Variants in LRP1B observed in about 807,000 individuals in gnomAD.
LRP1B encodes the protein low-density lipoprotein receptor-related protein 1B.
In LRP1B, 217 loss-of-function variants were observed where a neutral mutation model predicts 556.6. That is an observed-to-expected ratio of 0.39 (90% confidence interval 0.35 to 0.44). The LOEUF (loss-of-function observed/expected upper bound fraction) is 0.44, where lower values mean the gene tolerates loss of function less well. Among genes scored for constraint, LRP1B ranks in the 20% least tolerant of loss-of-function variants. The probability of loss-of-function intolerance (pLI) is 1.00; values close to 1 mark genes in which losing one functional copy is unlikely to be tolerated. For missense variants in LRP1B, 5,053 were observed against 5,620.8 expected (o/e 0.90, Z 3.23); for synonymous variants, 2,047 against 1,865.8 (o/e 1.10, Z -2.50).
intron 20 of LRP1B, among the ~76,000 whole-genome samples, chr2:140,946,027 A>C (rs2105293153): frequency 6.6e-6 from 1 of 152,318 alleles, no homozygotes; most frequent in Non-Finnish European, 1.5e-5. Flanking sequence ...AAACAAGTTC[A>C]TCAGAAAGTA....
At chr2:140,819,935 C>T (rs559385996) in intron 31 of LRP1B, among the ~76,000 whole-genome samples, 2 of 152,240 alleles carry the variant, frequency 1.3e-5, no homozygotes, top group Non-Finnish European at 2.9e-5. Context: ...GTATTGCATT[C>T]CTGGGAATTT....
chr2:141,918,392 G>A (rs1425152485), intron 1 of LRP1B, among the ~76,000 whole-genome samples: 1 of 151,984 alleles, frequency 6.6e-6, no homozygotes, highest in Non-Finnish European at 1.5e-5. Context: ...TGGCACCATT[G>A]AAAAAGGAAA....
intron 20 of LRP1B, among the ~76,000 whole-genome samples, chr2:140,927,782 C>T (rs185764171): frequency 8.6e-4 from 128 of 148,980 alleles, no homozygotes; most frequent in African/African-American, 3.1e-3. Context: ...TCTTGGCTCA[C>T]TGCAACCTCT....
At chr2:141,563,990 C>A (rs1330727095) in intron 2 of LRP1B, among the ~76,000 whole-genome samples, 1 of 151,870 alleles carries the variant, frequency 6.6e-6, no homozygotes, top group Non-Finnish European at 1.5e-5. Flanking sequence ...CGTAACAAAC[C>A]TGAAAATGTA....
At chr2:141,734,205 T>C (rs968052618) in intron 2 of LRP1B, among the ~76,000 whole-genome samples, 1 of 152,078 alleles carries the variant, frequency 6.6e-6, no homozygotes, top group Non-Finnish European at 1.5e-5. Context: ...TGGAGGAGAA[T>C]AGAGGGGGAA....
At chr2:142,098,815 G>A (rs1239229552) in intron 1 of LRP1B, among the ~76,000 whole-genome samples, 1 of 151,756 alleles carries the variant, frequency 6.6e-6, no homozygotes. Flanking sequence ...AAATCTCAAT[G>A]GACTAAGCCA....
At chr2:141,152,350 A>G (rs1301629286) in intron 7 of LRP1B, among the ~76,000 whole-genome samples, 1 of 151,976 alleles carries the variant, frequency 6.6e-6, no homozygotes, top group Non-Finnish European at 1.5e-5. Flanking sequence ...TTTTCTCTAA[A>G]CCGAACTAAC....
At chr2:141,477,828 T>C (rs1401517970) in intron 3 of LRP1B, among the ~76,000 whole-genome samples, 1 of 152,166 alleles carries the variant, frequency 6.6e-6, no homozygotes, top group Non-Finnish European at 1.5e-5. Context: ...ATATTTATTA[T>C]TTCTAAGTCT....
At chr2:142,061,598 G>A (rs552234492) in intron 1 of LRP1B, among the ~76,000 whole-genome samples, 19 of 151,890 alleles carry the variant, frequency 1.3e-4, no homozygotes, top group Non-Finnish European at 2.5e-4. Context: ...ATTATTCAAT[G>A]TATGCAGAAT....
At chr2:141,783,535 A>G (rs1055945441) in intron 2 of LRP1B, among the ~76,000 whole-genome samples, 10 of 151,898 alleles carry the variant, frequency 6.6e-5, no homozygotes, top group Admixed American at 3.3e-4. Context: ...TAACATAACT[A>G]CAACTACTGC....
chr2:141,264,040 G>A (rs1684797499), intron 3 of LRP1B, among the ~76,000 whole-genome samples: 1 of 152,114 alleles, frequency 6.6e-6, no homozygotes, highest in African/African-American at 2.4e-5. Context: ...ACAGAAGTAG[G>A]ATAACTTCTC....
intron 43 of LRP1B, among the ~76,000 whole-genome samples, chr2:140,576,224 G>T (rs911744089): frequency 7.9e-5 from 12 of 151,984 alleles, no homozygotes; most frequent in Admixed American, 7.2e-4. Flanking sequence ...AGAAGCTTGG[G>T]GCACAATTTC....
At chr2:140,255,522 T>A (rs1681636354) in intron 86 of LRP1B, among the ~76,000 whole-genome samples, 1 of 152,194 alleles carries the variant, frequency 6.6e-6, no homozygotes, top group Admixed American at 6.5e-5. Flanking sequence ...TGCCTATGAC[T>A]ATGCTAGACT....
chr2:141,393,974 C>T (rs192130187), intron 3 of LRP1B, among the ~76,000 whole-genome samples: 5 of 152,086 alleles, frequency 3.3e-5, no homozygotes, highest in Admixed American at 2.6e-4. Flanking sequence ...TAATCTGTAT[C>T]TATTATATGA....
chr2:141,625,020 A>T (rs1574156892), intron 2 of LRP1B, among the ~76,000 whole-genome samples: 4 of 152,232 alleles, frequency 2.6e-5, no homozygotes, highest in Admixed American at 2.6e-4. Flanking sequence ...CGCCCGCCTC[A>T]GCCTCCCAAA....
chr2:140,775,873 C>T (rs1459561145), intron 33 of LRP1B, among the ~76,000 whole-genome samples: 1 of 152,042 alleles, frequency 6.6e-6, no homozygotes, highest in Non-Finnish European at 1.5e-5. Context: ...TCTTTGAAGA[C>T]CTGACAAATT....
intron 49 of LRP1B, among the ~76,000 whole-genome samples, chr2:140,519,487 A>G (rs192621654): frequency 9.8e-4 from 150 of 152,366 alleles, no homozygotes; most frequent in African/African-American, 3.3e-3. Context: ...CTTAAATGTT[A>G]GACCTAAAAC....
chr2:141,478,683 A>T (rs1234085769), intron 3 of LRP1B, among the ~76,000 whole-genome samples: 1 of 151,944 alleles, frequency 6.6e-6, no homozygotes, highest in Non-Finnish European at 1.5e-5. Flanking sequence ...AGCTGGGAAT[A>T]CAGGCCCCTG....
intron 2 of LRP1B, among the ~76,000 whole-genome samples, chr2:141,678,892 A>G (rs1690995115): frequency 2.0e-5 from 3 of 152,156 alleles, no homozygotes; most frequent in Non-Finnish European, 4.4e-5. Context: ...ATGAAACTCC[A>G]GCCCCTTGTA....
Sources: gnomAD v4.1 joint callset for allele counts (sites outside exome capture counted in the v4.1 genomes callset) on GRCh38, gnomAD v4.1.1 for gene constraint, MANE v1.5 for transcripts, NCBI Gene and HGNC (gene_info 2026-07-23, HGNC 2026-07-21) for gene names.